Variants in ADGRL2 observed in about 807,000 individuals in gnomAD.
ADGRL2 encodes the protein adhesion G protein-coupled receptor L2.
In ADGRL2, 44 loss-of-function variants were observed where a neutral mutation model predicts 157.4. The observed-to-expected ratio is 0.28, with a 90% CI of 0.22 to 0.36. The LOEUF (loss-of-function observed/expected upper bound fraction) is 0.36. Ranked by LOEUF, ADGRL2 falls within the 10% of genes least tolerant of loss-of-function variation. ADGRL2 has a pLI of 1.00. For missense variants in ADGRL2, 1,510 were observed against 1,768.9 expected (o/e 0.85, Z 2.63); for synonymous variants, 585 against 624.7 (o/e 0.94, Z 0.95).
chr1:81,439,283 CAAGAGG>C lies in ADGRL2; in HGVS notation c.-301-5752_-301-5747del, dbSNP rs2077464888. Among the ~76,000 whole-genome samples, 5 of 152,170 alleles carry C rather than the reference CAAGAGG, an allele frequency of 3.3e-5. No homozygotes were observed. In the South Asian group the frequency reaches 1.0e-3, roughly 31 times the overall value. ...CATTTTCAAAGTCACTCATTCTACC[CAAGAGG>C]TATTACAGCATGGTTGGTAAGTATG... On this transcript the variant is annotated intron_variant, in intron 1 of 24. Coordinates refer to the ADGRL2 transcript ENST00000370721.
At chr1:81,524,124 G>A (rs1470830463) in intron 2 of ADGRL2, among the ~76,000 whole-genome samples, 2 of 152,214 alleles carry the variant, frequency 1.3e-5, no homozygotes, top group Non-Finnish European at 1.5e-5. Context: ...ACTTTGGGAG[G>A]CCGAGGCGGT....
chr1:81,335,442 T>C (rs1316892506), intron 1 of ADGRL2, among the ~76,000 whole-genome samples: 2 of 152,142 alleles, frequency 1.3e-5, no homozygotes, highest in Non-Finnish European at 2.9e-5. Flanking sequence ...TATTTACACA[T>C]ACAAAATATT....
rs1664640245 is a variant in ADGRL2, at chr1:81,991,861, G to C, written c.*716G>C. 1 of 152,614 alleles carries C rather than the reference G, an allele frequency of 6.6e-6. No individual in the cohort carries two copies. The highest frequency in any genetic ancestry group is 2.1e-4 in the South Asian group (1 of 4,832). The allele number at this position is 152,614 out of a possible 1,614,324, so 9.5% of individuals were successfully genotyped here. On this transcript the variant is annotated 3_prime_UTR_variant, in exon 24 of 24. Coordinates refer to ENST00000686636, the MANE Select transcript of ADGRL2 (RefSeq NM_001366006.2). Reference sequence around the variant, plus strand: ...AATTTTAAAGAGTGAAGAAAATATTGTGAAAAGCTCTTGGTTGCACATGTT... The same window carrying C: ...AATTTTAAAGAGTGAAGAAAATATTCTGAAAAGCTCTTGGTTGCACATGTT...
chr1:81,471,758 C>T (rs887852777), intron 2 of ADGRL2, among the ~76,000 whole-genome samples: 3 of 152,130 alleles, frequency 2.0e-5, no homozygotes, highest in Admixed American at 1.3e-4. Flanking sequence ...GCAACGAGGT[C>T]TTTATTATTC....
chr1:81,971,446 G>A (rs575252883), intron 16 of ADGRL2, among the ~76,000 whole-genome samples: 4 of 152,146 alleles, frequency 2.6e-5, no homozygotes, highest in Admixed American at 2.0e-4. Flanking sequence ...GGTTCCATAG[G>A]GTTAAGCACT....
chr1:81,826,054 A>G (rs1303265433), intron 1 of ADGRL2, among the ~76,000 whole-genome samples: 1 of 152,188 alleles, frequency 6.6e-6, no homozygotes, highest in Non-Finnish European at 1.5e-5. Flanking sequence ...TTTTGTATTG[A>G]CAGAGCTATA....
chr1:81,979,111 T>C (rs1660969345), intron 17 of ADGRL2, among the ~76,000 whole-genome samples: 1 of 151,818 alleles, frequency 6.6e-6, no homozygotes, highest in Non-Finnish European at 1.5e-5. Context: ...CCTTTTCCTC[T>C]GAGCAAGCTC....
At chr1:81,817,882 T>C (rs2090570866) in intron 1 of ADGRL2, among the ~76,000 whole-genome samples, 1 of 152,042 alleles carries the variant, frequency 6.6e-6, no homozygotes, top group Admixed American at 6.6e-5. Context: ...TGATTTCTTT[T>C]GGCCAAGTGC....
At chr1:81,466,792 G>T (rs755794997) in intron 2 of ADGRL2, among the ~76,000 whole-genome samples, 10 of 152,050 alleles carry the variant, frequency 6.6e-5, no homozygotes, top group Non-Finnish European at 1.3e-4. Context: ...TCATAAAAAT[G>T]CATAATTTGA....
At chr1:81,442,101 T>C (rs72940938) in intron 1 of ADGRL2, among the ~76,000 whole-genome samples, 3,608 of 152,354 alleles carry the variant, frequency 0.024, 74 homozygotes, top group African/African-American at 0.042. Context: ...CCCAAAGTGC[T>C]GGAATTATTC....
At chr1:81,702,649 A>C (rs1411344865) in intron 1 of ADGRL2, among the ~76,000 whole-genome samples, 2 of 152,204 alleles carry the variant, frequency 1.3e-5, no homozygotes, top group Non-Finnish European at 2.9e-5. Context: ...AAACAAAAAC[A>C]AAAACAAAAA....
intron 2 of ADGRL2, among the ~76,000 whole-genome samples, chr1:81,854,425 G>GT (rs1462652666): frequency 6.6e-6 from 1 of 152,176 alleles, no homozygotes; most frequent in African/African-American, 2.4e-5. Context: ...AACTTTTGGT[G>GT]TAACGTCCAG....
At chr1:81,774,305 A>G (rs2149356949) in intron 2 of ADGRL2, among the ~76,000 whole-genome samples, 2 of 152,306 alleles carry the variant, frequency 1.3e-5, no homozygotes, top group South Asian at 4.1e-4. Context: ...TACTTGAAAT[A>G]TTCCAATAAC....
intron 2 of ADGRL2, chr1:81,501,862 C>G: frequency 6.3e-7 from 1 of 1,598,018 alleles, no homozygotes; most frequent in Admixed American, 1.7e-5. Context: ...AGATGGATGC[C>G]AGAGAGAAGC....
intron 3 of ADGRL2, among the ~76,000 whole-genome samples, chr1:81,659,726 TCA>T (rs2082614600): frequency 6.6e-6 from 1 of 152,222 alleles, no homozygotes; most frequent in South Asian, 2.1e-4. Flanking sequence ...ACCATCTTTA[TCA>T]CATTTTATTT....
chr1:81,884,950 G>A (rs1261096332), intron 2 of ADGRL2, among the ~76,000 whole-genome samples: 2 of 152,046 alleles, frequency 1.3e-5, no homozygotes, highest in Non-Finnish European at 2.9e-5. Context: ...ACTGAAGGAG[G>A]ACTTTTGAAA....
intron 11 of ADGRL2, among the ~76,000 whole-genome samples, chr1:81,957,766 T>C (rs527670301): frequency 3.5e-4 from 53 of 152,164 alleles, no homozygotes; most frequent in African/African-American, 4.8e-5. Flanking sequence ...AATGTTGATC[T>C]TTTTTCATTT....
chr1:81,638,650 C>A (rs1163596350), intron 3 of ADGRL2, among the ~76,000 whole-genome samples: 2 of 152,030 alleles, frequency 1.3e-5, no homozygotes, highest in Non-Finnish European at 2.9e-5. Context: ...AACTCTAGGG[C>A]AGCCACTGGA....
intron 2 of ADGRL2, among the ~76,000 whole-genome samples, chr1:81,503,833 T>G (rs184830001): frequency 0.013 from 2,036 of 152,230 alleles, 44 homozygotes; most frequent in African/African-American, 0.046. Flanking sequence ...CCCTCCCCTT[T>G]TAATTTATTT....
Sources: gnomAD v4.1 joint callset for allele counts (sites outside exome capture counted in the v4.1 genomes callset) on GRCh38, gnomAD v4.1.1 for gene constraint, MANE v1.5 for transcripts, NCBI Gene and HGNC (gene_info 2026-07-23, HGNC 2026-07-21) for gene names.